The following CHD4 variants were observed in gnomAD, a reference collection of about 807,000 sequenced individuals.
CHD4 encodes ATP-dependent chromatin remodeler CHD4.
CHD4 carries 35 observed loss-of-function variants against 235.5 expected under a neutral mutation model. The ratio of observed to expected loss-of-function variants is 0.15; its 90% confidence interval spans 0.11 to 0.20. CHD4 has a LOEUF of 0.20. Ranked by LOEUF, CHD4 falls within the 10% of genes least tolerant of loss-of-function variation. CHD4 has a pLI of 1.00. For synonymous variants in CHD4, 900 were observed against 850.2 expected, an observed-to-expected ratio of 1.06 and a Z score of -1.02; for missense variants, 1,329 against 2,432.3, an observed-to-expected ratio of 0.55 and a Z score of 9.54.
At chr12:6,588,276 G>C in intron 23 of CHD4, 22 bp downstream of exon 23, 2 of 1,611,430 alleles carry the variant, frequency 1.2e-6, no homozygotes, top group Non-Finnish European at 1.7e-6. Context: ...ACTTATTAAG[G>C]CTGCCTGCTG....
rs558209937 is a variant in CHD4, at chr12:6,591,503, A to G, written c.3303T>C (p.Thr1101=). Residue 1101 remains threonine, a synonymous_variant, in exon 22 of 40, where the codon ACT becomes ACC. Transcript: ENST00000544040. ...YKYERIDGGI[T]GNMRQEAIDR... is the part of the protein sequence containing the mutation. ...CAATGGCCTCTTGCCGCATGTTCCC[A>G]GTGATTCCACCATCGATGCGTTCGT... 3.0e-5 allele frequency: 48 copies of G among 1,614,234 alleles called. No individual in the cohort carries two copies. The highest frequency in any genetic ancestry group is 4.1e-5 in the Non-Finnish European group (48 of 1,180,034).
In CHD4 at chr12:6,570,650, G is replaced by T. The variant is rs1947948944; in HGVS notation, c.*26C>A. The T allele has an allele frequency of 4.3e-6, 7 of 1,613,936 alleles. No individual in the cohort carries two copies. The highest frequency in any genetic ancestry group is 5.9e-6 in the Non-Finnish European group (7 of 1,179,946). On this transcript the variant is annotated 3_prime_UTR_variant, in exon 40 of 40. Transcript: ENST00000544040. The stretch of plus-strand genomic sequence containing the variant: ...AAAGTGAGGAAGGTCACTGCTCAGC[G>T]GTGGAGGTGGTATCAGTCTGCATCT...
chr12:6,600,153 A>T (rs1013986581), intron 9 of CHD4, 64 bp downstream of exon 9: 1 of 1,590,322 alleles, frequency 6.3e-7, no homozygotes, highest in African/African-American at 1.3e-5. Flanking sequence ...CAGGCCCCGA[A>T]GAGCTTTACT....
chr12:6,577,665 C>A, intron 37 of CHD4, 120 bp downstream of exon 37: 1 of 1,355,532 alleles, frequency 7.4e-7, no homozygotes, highest in Non-Finnish European at 1.0e-6. Flanking sequence ...GGGAGCAAAG[C>A]CTTCCATAGA....
intron 22 of CHD4, chr12:6,591,217 T>G (rs148055188): frequency 2.5e-4 from 96 of 387,164 alleles, no homozygotes; most frequent in African/African-American, 2.0e-3. Context: ...GAACAAGTCC[T>G]GACCCTTTGC....
In CHD4 at chr12:6,592,062, A is replaced by T. The variant is rs754586752; in HGVS notation, c.2949-5T>A. On this transcript the variant is annotated splice_polypyrimidine_tract_variant and splice_region_variant and intron_variant, in intron 19 of 39. Coordinates refer to ENST00000544040, the MANE Select transcript of CHD4 (RefSeq NM_001273.5). The stretch of plus-strand genomic sequence containing the variant: ...AGGATGTACTTGTAGTATTTCCTAC[A>T]TGGGCAAGGTAGAAAGACAGGTTAG... 6.2e-7 allele frequency: 1 copy of T among 1,614,108 alleles called. No individual in the cohort carries two copies. Among genetic ancestry groups the T allele is most frequent in the Admixed American group, 1.7e-5 (1 of 60,028 alleles).
At chr12:6,601,904 G>A (rs1948598607) in intron 4 of CHD4, 56 bp downstream of exon 4, 6 of 1,594,318 alleles carry the variant, frequency 3.8e-6, no homozygotes, top group Admixed American at 1.7e-5. Flanking sequence ...AAGGTGTCTA[G>A]GAAACAAAAA....
chr12:6,597,484 T>C (rs1948520052), intron 12 of CHD4, among the ~76,000 whole-genome samples: 1 of 149,900 alleles, frequency 6.7e-6, no homozygotes, highest in African/African-American at 2.5e-5. Context: ...TATATAAGGC[T>C]GAGCGTGGTG....
chr12:6,592,220 T>C (rs1948413078), intron 19 of CHD4, among the ~76,000 whole-genome samples, 163 bp from the exon 20 acceptor site: 1 of 152,018 alleles, frequency 6.6e-6, no homozygotes, highest in African/African-American at 2.4e-5. Flanking sequence ...TAAGGAAAGG[T>C]ATAACCTAAA....
Position 6,599,764 on chromosome 12 carries a change from G to C in CHD4, c.1482+9C>G, listed in dbSNP as rs748311291. The stretch of plus-strand genomic sequence containing the variant: ...CCATTTTTTGCCCCGGCTGAGATCA[G>C]TCACTCACCGTACAACGGGGACAGA... On this transcript the variant is annotated intron_variant, in intron 10 of 39. Transcript: ENST00000544040. 16 of 1,614,064 alleles carry C rather than the reference G, an allele frequency of 9.9e-6. No individual in the cohort carries two copies. Among genetic ancestry groups the C allele is most frequent in the Admixed American group, 3.3e-5 (2 of 60,006 alleles).
intron 37 of CHD4, 113 bp downstream of exon 37, chr12:6,577,672 T>G: frequency 7.1e-7 from 1 of 1,411,254 alleles, no homozygotes; most frequent in Non-Finnish European, 9.7e-7. Context: ...AAGCCTTCCA[T>G]AGAATGAAGA....
rs1461072562 is a variant in CHD4, at chr12:6,578,443, A to T, written c.5085T>A (p.Arg1695=). ...DEKQKKNIKQ[R]FMFNIADGGF... Reference sequence around the variant, plus strand: ...CACCATCTGCAATGTTAAACATGAAACGTTGTTTAATATTTTTCTTCTGTT... The same window carrying T: ...CACCATCTGCAATGTTAAACATGAATCGTTGTTTAATATTTTTCTTCTGTT... Residue 1695 remains arginine, a synonymous_variant, in exon 35 of 40, where the codon CGT becomes CGA. Transcript: ENST00000544040. The T allele has an allele frequency of 6.2e-7, 1 of 1,613,804 alleles. No individual in the cohort carries two copies.
In CHD4 at chr12:6,593,627, A is replaced by C; in HGVS notation, c.2314-11T>G. The C allele has an allele frequency of 9.9e-6, 16 of 1,613,754 alleles. No homozygotes were observed. The highest frequency in any genetic ancestry group is 1.3e-5 in the African/African-American group (1 of 74,974). ...GCCTTTGGAATGACCCTTTGAGAAAAAAGAGGAGAGTCAGGACTGAGGGCC... is the reference window on the plus strand; with the variant it reads ...GCCTTTGGAATGACCCTTTGAGAAACAAGAGGAGAGTCAGGACTGAGGGCC... On this transcript the variant is annotated splice_polypyrimidine_tract_variant and intron_variant, in intron 15 of 39. Coordinates refer to ENST00000544040, the MANE Select transcript of CHD4 (RefSeq NM_001273.5). The surrounding 1 kb of genome is among the most constrained non-coding windows in gnomAD (Gnocchi z 4.9).
At position 6,607,350 on chromosome 12, in the gene CHD4, C is replaced by T. The variant is rs1387644721; in HGVS notation, c.-129G>A. The T allele has an allele frequency of 6.6e-6, 1 of 152,004 alleles. No individual in the cohort carries two copies. The highest frequency in any genetic ancestry group is 6.6e-5 in the Admixed American group (1 of 15,262). 9.4% of individuals were successfully genotyped at this position (152,004 alleles called of 1,614,324 possible). A position where few individuals can be genotyped will look rare whatever the true frequency, so the allele number is the denominator to read the frequency against. ...GGTCCGGCTCGGTGTCACTCCCGCT[C>T]CGGCTCCTCCTCGCCGCGGCCGAAG... On this transcript the variant is annotated 5_prime_UTR_variant, in exon 1 of 40. Transcript: ENST00000544040.
At chr12:6,576,665 G>A (rs1948076739) in intron 37 of CHD4, among the ~76,000 whole-genome samples, 1 of 152,044 alleles carries the variant, frequency 6.6e-6, no homozygotes, top group South Asian at 2.1e-4. Context: ...GAGTGCAGTG[G>A]TGCGATCTCG....
chr12:6,596,230 G>T (rs568212236), intron 12 of CHD4, 93 bp from the exon 13 acceptor site: 59 of 1,503,346 alleles, frequency 3.9e-5, no homozygotes, highest in Non-Finnish European at 5.3e-5. Context: ...TTTCACACCA[G>T]ACCTCTAGGT....
Position 6,596,154 on chromosome 12 carries a change from G to A in CHD4, c.1893-17C>T. 3 of 1,609,718 alleles carry A rather than the reference G, an allele frequency of 1.9e-6. No individual in the cohort carries two copies. Among genetic ancestry groups the A allele is most frequent in the East Asian group, 2.2e-5 (1 of 44,852 alleles). ...TTGTCCACACTGCAAGTCCAGGAGA[G>A]AAAACCCTCAGAGCCAGAAAAGGCA... is the stretch of plus-strand genomic sequence containing the variant. On this transcript the variant is annotated splice_polypyrimidine_tract_variant and intron_variant, in intron 12 of 39. Transcript: ENST00000544040.
intron 22 of CHD4, 100 bp from the exon 23 acceptor site, chr12:6,588,522 A>T: frequency 7.4e-7 from 1 of 1,347,954 alleles, no homozygotes; most frequent in Non-Finnish European, 1.0e-6. Flanking sequence ...TCATGCCTGT[A>T]ATCTCAGCAC....
chr12:6,602,282 C>T, intron 3 of CHD4, 94 bp downstream of exon 3: 2 of 1,600,938 alleles, frequency 1.2e-6, no homozygotes, highest in South Asian at 1.1e-5. Context: ...CCCACCACTT[C>T]TGAGAAAGAA....
Sources: allele counts gnomAD v4.1 joint callset (sites outside exome capture counted in the v4.1 genomes callset), GRCh38; gene constraint gnomAD v4.1.1; non-coding constraint Gnocchi (gnomAD v3.1); transcripts MANE v1.5; gene names NCBI Gene and HGNC (gene_info 2026-07-23, HGNC 2026-07-21).